IGF1R: variants seen among roughly 807,000 people sequenced by gnomAD.
The protein encoded by IGF1R is insulin like growth factor 1 receptor.
In IGF1R, 44 loss-of-function variants were observed where a neutral mutation model predicts 144.6. That is an observed-to-expected ratio of 0.30 (90% CI 0.24 to 0.39). The LOEUF (loss-of-function observed/expected upper bound fraction) is 0.39, where lower values mean the gene tolerates loss of function less well. Ranked by LOEUF, IGF1R falls within the 10% of genes least tolerant of loss-of-function variation. The pLI is 1.00. For missense variants in IGF1R, 1,355 were observed against 1,833.7 expected (o/e 0.74, Z 4.77); for synonymous variants, 795 against 722.8 (o/e 1.10, Z -1.60).
chr15:98,910,007 G>A (rs529467119), intron 6 of IGF1R, among the ~76,000 whole-genome samples: 2 of 152,172 alleles, frequency 1.3e-5, no homozygotes, highest in Non-Finnish European at 2.9e-5. Flanking sequence ...ATGATGAAGG[G>A]TGATTTGTGC....
chr15:98,802,054 C>T (rs990871557), intron 2 of IGF1R, among the ~76,000 whole-genome samples: 1 of 152,160 alleles, frequency 6.6e-6, no homozygotes, highest in African/African-American at 2.4e-5. Context: ...GTCCCGTTAC[C>T]AAGTTGTGGC....
At chr15:98,905,125 G>A (rs1318666707) in intron 5 of IGF1R, among the ~76,000 whole-genome samples, 2 of 152,144 alleles carry the variant, frequency 1.3e-5, no homozygotes, top group African/African-American at 2.4e-5. Context: ...ATTCCCAGAT[G>A]GAGTGCTCTG....
chr15:98,924,071 T>G, intron 12 of IGF1R, 59 bp downstream of exon 12: 48 of 1,437,534 alleles, frequency 3.3e-5, no homozygotes, highest in Non-Finnish European at 4.2e-5. Context: ...CAGCATATGC[T>G]ACCTGACTGC....
intron 17 of IGF1R, among the ~76,000 whole-genome samples, chr15:98,938,524 A>C (rs1451608749): frequency 6.6e-6 from 1 of 152,208 alleles, no homozygotes; most frequent in Non-Finnish European, 1.5e-5. Flanking sequence ...GCAAAGAGGA[A>C]TGCTTATCCC....
rs1450144789 is a variant in IGF1R, at chr15:98,681,238, A to G, written c.95-26324A>G. 6.6e-5 allele frequency among the ~76,000 whole-genome samples: 10 copies of G among 152,256 alleles called. 1 individual carries two copies. In the South Asian group the frequency reaches 1.5e-3, roughly 22 times the overall value. ...AAGTCTGCTTTGCTGATCGATTGTG[A>G]CATCTTGAGGGCGGCTGCACTACTT... On this transcript the variant is annotated intron_variant, in intron 1 of 20. Coordinates refer to ENST00000650285, the MANE Select transcript of IGF1R (RefSeq NM_000875.5).
At chr15:98,768,950 A>G (rs1567119520) in intron 2 of IGF1R, among the ~76,000 whole-genome samples, 2 of 151,820 alleles carry the variant, frequency 1.3e-5, no homozygotes, top group African/African-American at 4.8e-5. Flanking sequence ...AACAACAACA[A>G]CAACAACAAC....
chr15:98,926,510 C>T (rs2015726381), intron 13 of IGF1R, among the ~76,000 whole-genome samples: 1 of 152,014 alleles, frequency 6.6e-6, no homozygotes, highest in Non-Finnish European at 1.5e-5. Flanking sequence ...TAGGCTCATT[C>T]AGCTGTTCTA....
intron 2 of IGF1R, among the ~76,000 whole-genome samples, chr15:98,718,723 G>A (rs1347240282): frequency 6.6e-6 from 1 of 152,198 alleles, no homozygotes; most frequent in Non-Finnish European, 1.5e-5. Flanking sequence ...GGGCTTAGTA[G>A]TAAAAAGGGG....
chr15:98,813,954 C>G (rs1000492581), intron 2 of IGF1R, among the ~76,000 whole-genome samples: 3 of 152,140 alleles, frequency 2.0e-5, no homozygotes, highest in Non-Finnish European at 2.9e-5. Context: ...ATAGCTTAAT[C>G]CAGTAGAGAT....
chr15:98,916,269 T>G (rs2015243475), intron 9 of IGF1R, 138 bp downstream of exon 9: 3 of 881,962 alleles, frequency 3.4e-6, no homozygotes, highest in Non-Finnish European at 5.2e-6. Flanking sequence ...TGGTTTTTTT[T>G]TTTTTTTTTT....
intron 2 of IGF1R, among the ~76,000 whole-genome samples, chr15:98,878,359 A>G (rs2013167993): frequency 1.3e-5 from 2 of 152,262 alleles, no homozygotes; most frequent in African/African-American, 4.8e-5. Context: ...ATGAACAACC[A>G]GTCAAGTTAC....
intron 2 of IGF1R, among the ~76,000 whole-genome samples, chr15:98,753,404 T>TTTTTTTTTTTTTTA (rs2055070222): frequency 7.8e-6 from 1 of 129,006 alleles, no homozygotes; most frequent in Non-Finnish European, 1.6e-5. Context: ...TTTTTTTTTT[T>TTTTTTTTTTTTTTA]GTATTTTTTG....
intron 13 of IGF1R, among the ~76,000 whole-genome samples, chr15:98,927,722 A>G (rs1258668061): frequency 2.6e-5 from 4 of 152,240 alleles, no homozygotes; most frequent in Non-Finnish European, 5.9e-5. Context: ...CAATAAAAAT[A>G]TTTCTTTCTT....
intron 2 of IGF1R, among the ~76,000 whole-genome samples, chr15:98,861,025 TTCCCTCCC>T (rs369235208): frequency 2.0e-5 from 3 of 151,840 alleles, no homozygotes; most frequent in African/African-American, 4.8e-5. Flanking sequence ...TTTCTTTTTC[TTCCCTCCC>T]TCCCTCCCTC....
At chr15:98,765,275 T>C (rs1012037602) in intron 2 of IGF1R, among the ~76,000 whole-genome samples, 43 of 150,778 alleles carry the variant, frequency 2.9e-4, no homozygotes, top group African/African-American at 1.0e-3. Context: ...TTAATGTATA[T>C]CTCTCTCTCT....
chr15:98,786,435 G>A (rs953268642), intron 2 of IGF1R, among the ~76,000 whole-genome samples: 8 of 152,020 alleles, frequency 5.3e-5, no homozygotes, highest in Admixed American at 1.3e-4. Context: ...GGGACAGATG[G>A]CCCCATTGAA....
intron 1 of IGF1R, among the ~76,000 whole-genome samples, chr15:98,658,659 C>A (rs2052536700): frequency 6.6e-6 from 1 of 152,140 alleles, no homozygotes; most frequent in Admixed American, 6.5e-5. Context: ...GTCAGAGATG[C>A]CATCTTTACA....
intron 2 of IGF1R, among the ~76,000 whole-genome samples, chr15:98,815,315 A>G (rs1333711891): frequency 1.3e-5 from 2 of 152,204 alleles, no homozygotes; most frequent in African/African-American, 4.8e-5. Flanking sequence ...AGTTGCTCCT[A>G]TTCCTGGTGG....
chr15:98,747,627 C>T (rs557877025), intron 2 of IGF1R, among the ~76,000 whole-genome samples: 1 of 152,152 alleles, frequency 6.6e-6, no homozygotes, highest in African/African-American at 2.4e-5. Context: ...AGAACTGTGT[C>T]GGGTGGTCCT....
Sources: allele counts gnomAD v4.1 joint callset (sites outside exome capture counted in the v4.1 genomes callset), GRCh38; gene constraint gnomAD v4.1.1; transcripts MANE v1.5; gene names NCBI Gene and HGNC (gene_info 2026-07-23, HGNC 2026-07-21).